SLC66A3: variants seen among roughly 807,000 people sequenced by gnomAD.
SLC66A3 encodes solute carrier family 66 member 3.
Under a neutral mutation model 25.5 loss-of-function variants are expected in SLC66A3, and 23 were observed. The ratio of observed to expected loss-of-function variants is 0.90; its 90% CI spans 0.65 to 1.28. SLC66A3 has a LOEUF of 1.28. Ranked by LOEUF, SLC66A3 falls within the 50% of genes most tolerant of loss-of-function variation. SLC66A3 has a pLI of 0.00. For missense variants in SLC66A3, 246 were observed against 262.1 expected (o/e 0.94, Z 0.42); for synonymous variants, 108 against 112.6 (o/e 0.96, Z 0.26).
Position 11,172,054 on chromosome 2 carries a change from C to A in SLC66A3, c.475+9C>A. ...TTCCTATACCTGTGCAAGTAAGAAC[C>A]GGACTCACATGGTGGGGAGGCCTTT... is the stretch of plus-strand genomic sequence containing the variant. On this transcript the variant is annotated intron_variant, in intron 5 of 6. Transcript: ENST00000295083. 1 of 1,613,480 alleles carries A rather than the reference C, an allele frequency of 6.2e-7. No homozygotes were observed. Among genetic ancestry groups the A allele is most frequent in the South Asian group, 1.1e-5 (1 of 91,038 alleles).
At chr2:11,171,376 G>A (rs1662547245) in intron 4 of SLC66A3, among the ~76,000 whole-genome samples, 1 of 152,016 alleles carries the variant, frequency 6.6e-6, no homozygotes, top group Non-Finnish European at 1.5e-5. Flanking sequence ...CCAAACTTAG[G>A]TTTCAACTTT....
At chr2:11,172,098 C>T (rs3732103) in intron 5 of SLC66A3, 53 bp downstream of exon 5, 862,667 of 1,584,898 alleles carry the variant, frequency 0.54, 236,812 homozygotes, top group Middle Eastern at 0.57. Flanking sequence ...CAAGTGTCTA[C>T]GTAGTAGGGT....
chr2:11,159,305 T>C (rs1184874804), intron 1 of SLC66A3, among the ~76,000 whole-genome samples: 1 of 152,160 alleles, frequency 6.6e-6, no homozygotes, highest in Non-Finnish European at 1.5e-5. Flanking sequence ...CTCAGGAGGC[T>C]GGCAGGAGGA....
At position 11,172,047 on chromosome 2, in the gene SLC66A3, T is replaced by A; in HGVS notation, c.475+2T>A. On this transcript the variant is annotated splice_donor_variant, in intron 5 of 6. Coordinates refer to ENST00000295083, the MANE Select transcript of SLC66A3 (RefSeq NM_152391.5). LOFTEE classifies it high-confidence loss of function. ...GCCTCTCTTCCTATACCTGTGCAAGTAAGAACCGGACTCACATGGTGGGGA... is the reference window on the plus strand; with the variant it reads ...GCCTCTCTTCCTATACCTGTGCAAGAAAGAACCGGACTCACATGGTGGGGA... The A allele has an allele frequency of 6.2e-7, 1 of 1,613,798 alleles. No individual in the cohort carries two copies. The highest frequency in any genetic ancestry group is 8.5e-7 in the Non-Finnish European group (1 of 1,179,816).
intron 6 of SLC66A3, among the ~76,000 whole-genome samples, chr2:11,177,151 G>A (rs923800131): frequency 1.3e-5 from 2 of 152,018 alleles, no homozygotes; most frequent in African/African-American, 4.8e-5. Flanking sequence ...TGAGTAAAGG[G>A]ATTTTTAAAA....
At chr2:11,173,437 TG>T (rs1662625982) in intron 5 of SLC66A3, among the ~76,000 whole-genome samples, 1 of 152,248 alleles carries the variant, frequency 6.6e-6, no homozygotes, top group Non-Finnish European at 1.5e-5. Flanking sequence ...GAGAGTCCTT[TG>T]TTGGCCGCCT....
intron 3 of SLC66A3, 196 bp downstream of exon 3, chr2:11,160,890 C>A: frequency 2.3e-6 from 2 of 880,220 alleles, no homozygotes; most frequent in Non-Finnish European, 3.4e-6. Context: ...TCCTCCGAGA[C>A]CAGCATGCCC....
intron 5 of SLC66A3, among the ~76,000 whole-genome samples, chr2:11,172,275 CT>C (rs1432144667): frequency 6.6e-6 from 1 of 152,134 alleles, no homozygotes; most frequent in African/African-American, 2.4e-5. Context: ...AAGTGAAAGC[CT>C]ATTTTTCTCC....
chr2:11,155,978 G>C (rs558587630), intron 1 of SLC66A3, among the ~76,000 whole-genome samples: 22 of 152,326 alleles, frequency 1.4e-4, no homozygotes, highest in African/African-American at 4.8e-4. Context: ...CCCTTGGTGC[G>C]CTAGTGACAA....
chr2:11,174,254 C>T (rs1427467069), intron 5 of SLC66A3, among the ~76,000 whole-genome samples: 5 of 152,140 alleles, frequency 3.3e-5, no homozygotes, highest in African/African-American at 1.2e-4. Context: ...CTGTGCCTGG[C>T]CAAAACATTG....
chr2:11,167,974 T>G (rs1295911156), intron 4 of SLC66A3, among the ~76,000 whole-genome samples: 2 of 152,144 alleles, frequency 1.3e-5, no homozygotes, highest in Non-Finnish European at 2.9e-5. Context: ...AGAAAATGAT[T>G]AAAGTACTTA....
chr2:11,156,204 T>C (rs1171249860), intron 1 of SLC66A3, among the ~76,000 whole-genome samples: 1 of 152,186 alleles, frequency 6.6e-6, no homozygotes, highest in East Asian at 1.9e-4. Context: ...GGAGAGGGTC[T>C]TAAGACAATT....
rs867723326 is a variant in SLC66A3 at position 11,155,638 on chromosome 2, C to A, written c.92C>A (p.Ala31Glu). Residue 31 changes from alanine to glutamate, a missense_variant, in exon 1 of 7, where the codon GCG (alanine) becomes GAG (glutamate). By Grantham distance (107) the Ala-to-Glu change is moderately radical (BLOSUM62 -1). Transcript: ENST00000295083. ...KLPQISAVLA[A>E]RSARGLSLPS... ...CCGCAGATCTCCGCTGTGCTAGCGG[C>A]GCGCAGCGCGCGGGGCCTCAGCCTT... The A allele has an allele frequency of 1.3e-6, 2 of 1,511,340 alleles. No homozygotes were observed. Among genetic ancestry groups the A allele is most frequent in the East Asian group, 2.7e-5 (1 of 37,416 alleles). 93.6% of individuals were successfully genotyped at this position (1,511,340 alleles called of 1,614,324 possible).
chr2:11,176,898 A>G (rs926667620), intron 6 of SLC66A3, among the ~76,000 whole-genome samples: 4 of 149,256 alleles, frequency 2.7e-5, no homozygotes, highest in Non-Finnish European at 6.0e-5. Flanking sequence ...GATATCTTAA[A>G]TCTCATTAAA....
chr2:11,171,123 G>T (rs947957608), intron 4 of SLC66A3, among the ~76,000 whole-genome samples: 1 of 152,032 alleles, frequency 6.6e-6, no homozygotes, highest in Non-Finnish European at 1.5e-5. Context: ...TTTGAGACCA[G>T]CCTGGCCAAT....
chr2:11,169,631 C>G (rs919423530), intron 4 of SLC66A3, among the ~76,000 whole-genome samples: 1 of 152,008 alleles, frequency 6.6e-6, no homozygotes, highest in Non-Finnish European at 1.5e-5. Context: ...GTTCCCAGGG[C>G]TCCAGCACAC....
chr2:11,178,025 C>A lies in SLC66A3; in HGVS notation c.*197C>A. 1 of 547,570 alleles carries A rather than the reference C, an allele frequency of 1.8e-6. No homozygotes were observed. Among genetic ancestry groups the A allele is most frequent in the Non-Finnish European group, 3.2e-6 (1 of 310,112 alleles). The allele number at this position is 547,570 out of a possible 1,614,324, so 33.9% of individuals were successfully genotyped here. On this transcript the variant is annotated 3_prime_UTR_variant, in exon 7 of 7. Coordinates refer to ENST00000295083, the MANE Select transcript of SLC66A3 (RefSeq NM_152391.5). Reference sequence around the variant, plus strand: ...TACCAATTTGCCTCCTCCTTCCTCACTTCGTTAGGTTATGGTAGTGCTCAG... The same window carrying A: ...TACCAATTTGCCTCCTCCTTCCTCAATTCGTTAGGTTATGGTAGTGCTCAG...
At chr2:11,164,613 T>C (rs1290030287) in intron 4 of SLC66A3, among the ~76,000 whole-genome samples, 1 of 150,948 alleles carries the variant, frequency 6.6e-6, no homozygotes, top group South Asian at 2.1e-4. Context: ...CACAGGACAA[T>C]AGTGGAGGGA....
rs1479959959 is a variant in SLC66A3, at chr2:11,155,511, C to G, written c.-36C>G. On this transcript the variant is annotated 5_prime_UTR_variant, in exon 1 of 7. Transcript: ENST00000295083. The stretch of plus-strand genomic sequence containing the variant: ...CCGCCGAGGCTGAGCGGTCCCTTCT[C>G]GCTGCGGCCGCCCAGGTGCCCGCGC... 7 of 1,475,250 alleles carry G rather than the reference C, an allele frequency of 4.7e-6. No homozygotes were observed. The highest frequency in any genetic ancestry group is 6.2e-6 in the Non-Finnish European group (7 of 1,122,008). 91.4% of individuals were successfully genotyped at this position (1,475,250 alleles called of 1,614,324 possible). A position where few individuals can be genotyped will look rare whatever the true frequency, so the allele number is the denominator to read the frequency against.
Sources: gnomAD v4.1 joint callset for allele counts (sites outside exome capture counted in the v4.1 genomes callset) on GRCh38, gnomAD v4.1.1 for gene constraint, MANE v1.5 for transcripts, NCBI Gene and HGNC (gene_info 2026-07-23, HGNC 2026-07-21) for gene names.